The following TMEM255B variants were observed in gnomAD, a reference collection of about 807,000 sequenced individuals.
TMEM255B encodes the protein family with sequence similarity 70, member B.
In TMEM255B, 35 loss-of-function variants were observed where a neutral mutation model predicts 34.5. The ratio of observed to expected loss-of-function variants is 1.01; its 90% CI spans 0.77 to 1.34. The LOEUF is 1.34. Ranked by LOEUF, TMEM255B falls within the 40% of genes most tolerant of loss-of-function variation. TMEM255B has a pLI of 0.00. For missense variants in TMEM255B, 432 were observed against 433.2 expected (o/e 1.00, Z 0.02); for synonymous variants, 206 against 201.2 (o/e 1.02, Z -0.20).
Position 113,812,135 on chromosome 13 carries a change from A to G in TMEM255B, c.*232A>G, listed in dbSNP as rs1452081713. On this transcript the variant is annotated 3_prime_UTR_variant, in exon 9 of 9. Transcript: ENST00000375353. The stretch of plus-strand genomic sequence containing the variant: ...CTTGGCTTGGGCTCTGCTCACATCA[A>G]ATGGCGCTGAAAGTTCCCACCCGGC... The G allele has an allele frequency of 7.4e-6, 4 of 539,118 alleles. No individual in the cohort carries two copies. Among genetic ancestry groups the G allele is most frequent in the African/African-American group, 5.9e-5 (3 of 50,464 alleles). 33.4% of individuals were successfully genotyped at this position (539,118 alleles called of 1,614,324 possible).
intron 3 of TMEM255B, among the ~76,000 whole-genome samples, chr13:113,771,670 C>A (rs1381946476): frequency 6.6e-6 from 1 of 152,042 alleles, no homozygotes; most frequent in African/African-American, 2.4e-5. Context: ...CTGAGCAAGA[C>A]TCTGTCTCAA....
chr13:113,785,041 C>T (rs1034461153), intron 3 of TMEM255B, among the ~76,000 whole-genome samples: 2 of 152,078 alleles, frequency 1.3e-5, no homozygotes, highest in Non-Finnish European at 2.9e-5. Flanking sequence ...AAGCGGGGAG[C>T]TTATTGCAGG....
chr13:113,788,877 G>A (rs527302532), intron 3 of TMEM255B, among the ~76,000 whole-genome samples: 4 of 152,028 alleles, frequency 2.6e-5, no homozygotes, highest in East Asian at 1.9e-4. Context: ...CCCGGGGGCC[G>A]CGCCGCGCCT....
rs534085512 is a variant in TMEM255B at position 113,770,367 on chromosome 13, A to G, written c.252+1207A>G. The stretch of plus-strand genomic sequence containing the variant: ...TTCCACCAGGTCCCTCCCACAACAC[A>G]TGAGGATCCAAGATGAGATTTGGGT... On this transcript the variant is annotated intron_variant, in intron 3 of 8. Transcript: ENST00000375353. The surrounding 1 kb of genome is among the most constrained non-coding windows in gnomAD (Gnocchi z 4.6). Among the ~76,000 whole-genome samples, 37 of 152,224 alleles carry G rather than the reference A, an allele frequency of 2.4e-4. No individual in the cohort carries two copies. The highest frequency in any genetic ancestry group is 3.4e-3 in the Middle Eastern group (1 of 294).
intron 7 of TMEM255B, among the ~76,000 whole-genome samples, chr13:113,804,191 G>T (rs1271797550): frequency 6.6e-6 from 1 of 152,248 alleles, no homozygotes; most frequent in Non-Finnish European, 1.5e-5. Context: ...GGATGAGGCC[G>T]GCCGGGGCCT....
intron 8 of TMEM255B, among the ~76,000 whole-genome samples, chr13:113,805,335 G>A (rs1003013103): frequency 3.9e-5 from 6 of 152,220 alleles, no homozygotes; most frequent in African/African-American, 1.2e-4. Flanking sequence ...AGGCTCCTGC[G>A]TTTGTCTGCT....
chr13:113,810,263 T>A (rs1350186905), intron 8 of TMEM255B, among the ~76,000 whole-genome samples: 2 of 152,206 alleles, frequency 1.3e-5, no homozygotes, highest in South Asian at 2.1e-4. Flanking sequence ...TTTGAAAAAC[T>A]CTTCCTGTGT....
At chr13:113,776,448 G>C (rs190059736) in intron 3 of TMEM255B, among the ~76,000 whole-genome samples, 2 of 152,150 alleles carry the variant, frequency 1.3e-5, no homozygotes, top group Non-Finnish European at 2.9e-5. Flanking sequence ...GCTTCCTGTC[G>C]TCCTCCCGAC....
At chr13:113,786,169 TCA>T (rs1384653421) in intron 3 of TMEM255B, among the ~76,000 whole-genome samples, 2 of 152,156 alleles carry the variant, frequency 1.3e-5, no homozygotes, top group Non-Finnish European at 2.9e-5. Context: ...CCCACTGTCA[TCA>T]CAGTCTTTAC....
chr13:113,778,280 A>T (rs1349145849), intron 3 of TMEM255B, among the ~76,000 whole-genome samples: 1 of 152,226 alleles, frequency 6.6e-6, no homozygotes, highest in East Asian at 1.9e-4. Context: ...ATCTCCCAGC[A>T]AGATGAGAGT....
rs372996910 is a variant in TMEM255B at position 113,790,207 on chromosome 13, C to A, written c.253-4941C>A. Among the ~76,000 whole-genome samples the A allele has an allele frequency of 3.9e-5, 4 of 101,884 alleles. 1 individual carries two copies. The Admixed American group carries it at 4.3e-4, about 11-fold the overall frequency. The allele number at this position is 101,884 out of a possible 152,430, so 66.8% of individuals were successfully genotyped here. On this transcript the variant is annotated intron_variant, in intron 3 of 8. Transcript: ENST00000375353. ...GTGGACATCCTAACACTGAACTGACCGGGCATGTGGACATCCTAGCGCTGG... is the reference window on the plus strand; with the variant it reads ...GTGGACATCCTAACACTGAACTGACAGGGCATGTGGACATCCTAGCGCTGG...
At chr13:113,787,773 A>G (rs2050768065) in intron 3 of TMEM255B, among the ~76,000 whole-genome samples, 1 of 151,478 alleles carries the variant, frequency 6.6e-6, no homozygotes, top group African/African-American at 2.4e-5. Context: ...CTCATGGTGA[A>G]TCGCGTCAGC....
rs759422756 is a variant in TMEM255B at position 113,799,365 on chromosome 13, A to G, written c.369A>G (p.Arg123=). The stretch of plus-strand genomic sequence containing the variant: ...AACCGAGGCCCCTCACCACGGGAAG[A>G]TGCCAGTTTTACTCCAGTGGGGTGG... ...HIEPRPLTTG[R]CQFYSSGVGY... The change falls in exon 5 of 9, where the codon AGA becomes AGG. Residue 123 remains arginine, a synonymous_variant. Coordinates refer to ENST00000375353, the MANE Select transcript of TMEM255B (RefSeq NM_182614.4). 5.6e-6 allele frequency: 9 copies of G among 1,614,050 alleles called. No homozygotes were observed. The highest frequency in any genetic ancestry group is 7.6e-6 in the Non-Finnish European group (9 of 1,180,034).
intron 3 of TMEM255B, among the ~76,000 whole-genome samples, chr13:113,788,718 T>C (rs930431352): frequency 6.6e-5 from 10 of 152,164 alleles, no homozygotes; most frequent in Middle Eastern, 3.4e-3. Context: ...CACCCGTTTG[T>C]CTCTGCACAC....
intron 1 of TMEM255B, 151 bp from the exon 2 acceptor site, chr13:113,765,964 T>TG: frequency 3.5e-6 from 3 of 861,530 alleles, no homozygotes; most frequent in Non-Finnish European, 5.4e-6. Flanking sequence ...CTAATGGAGG[T>TG]TGGGGGTGGT....
At chr13:113,768,446 A>C (rs1236774764) in intron 2 of TMEM255B, among the ~76,000 whole-genome samples, 1 of 152,158 alleles carries the variant, frequency 6.6e-6, no homozygotes, top group Non-Finnish European at 1.5e-5. Context: ...TTCTGCCCAG[A>C]GCTGGGGCTT....
chr13:113,805,054 T>G, intron 8 of TMEM255B, 26 bp downstream of exon 8: 1 of 1,576,504 alleles, frequency 6.3e-7, no homozygotes, highest in Non-Finnish European at 8.6e-7. Flanking sequence ...CCTGCTGGAG[T>G]TGGACGCGCT....
chr13:113,771,531 T>A (rs1024255941), intron 3 of TMEM255B, among the ~76,000 whole-genome samples: 1 of 152,026 alleles, frequency 6.6e-6, no homozygotes, highest in Non-Finnish European at 1.5e-5. Flanking sequence ...AATACAAAAT[T>A]AGCTGGGCAT....
In TMEM255B at chr13:113,798,572, A is replaced by G. The variant is rs148561977; in HGVS notation, c.343-767A>G. Among the ~76,000 whole-genome samples, 45 of 147,934 alleles carry G rather than the reference A, an allele frequency of 3.0e-4. 1 individual carries two copies. The highest frequency in any genetic ancestry group is 7.6e-3 in the Middle Eastern group (2 of 262). On this transcript the variant is annotated intron_variant, in intron 4 of 8. Transcript: ENST00000375353. ...ATAGAAGGATGGATGATGGATGGAT[A>G]CATAGAAGGAGGGATAATGGATGAT...
Sources: gnomAD v4.1 joint callset for allele counts (sites outside exome capture counted in the v4.1 genomes callset) on GRCh38, gnomAD v4.1.1 for gene constraint, Gnocchi (gnomAD v3.1) non-coding constraint, MANE v1.5 for transcripts, NCBI Gene and HGNC (gene_info 2026-07-23, HGNC 2026-07-21) for gene names.